Variants in TRPS1 observed in about 807,000 individuals in gnomAD.
TRPS1 encodes the protein transcriptional repressor GATA binding 1, also known as zinc finger transcription factor Trps1.
Under a neutral mutation model 101.2 loss-of-function variants are expected in TRPS1, and 6 were observed. That is an observed-to-expected ratio of 0.06 (90% CI 0.03 to 0.12). The LOEUF (loss-of-function observed/expected upper bound fraction) is 0.12. TRPS1 is among the 10% of genes least tolerant of loss of function. TRPS1 has a pLI of 1.00. For synonymous variants in TRPS1, 578 were observed against 589.8 expected (o/e 0.98, Z 0.29); for missense variants, 1,363 against 1,567.0 (o/e 0.87, Z 2.20).
rs2130532463 is a variant in TRPS1 at position 115,619,617 on chromosome 8, G to C, written c.481C>G (p.Leu161Val). ...ATCTTCTGATCTTCCTTTGTCTCCA[G>C]TGAGTCCCCTGAGGGGGTGCAGGCC... is the stretch of plus-strand genomic sequence containing the variant. Reference protein sequence around the residue: ...DMACTPSGDSLETKEDQKMSP... With the variant: ...DMACTPSGDSVETKEDQKMSP... Residue 161 changes from leucine (L) to valine (V), a missense_variant, in exon 3 of 7, where the codon CTG becomes GTG. By Grantham distance (32) the Leu-to-Val change is conservative. Transcript: ENST00000395715. The C allele has an allele frequency of 6.2e-7, 1 of 1,614,182 alleles. No individual in the cohort carries two copies. Among genetic ancestry groups the C allele is most frequent in the Non-Finnish European group, 8.5e-7 (1 of 1,180,040 alleles).
chr8:115,587,481 T>C lies in TRPS1; in HGVS notation c.2220A>G (p.Glu740=). The C allele has an allele frequency of 6.2e-7, 1 of 1,614,182 alleles. No homozygotes were observed. Among genetic ancestry groups the C allele is most frequent in the East Asian group, 2.2e-5 (1 of 44,886 alleles). ...QEQDITTANG[E]EDGHAISTIK... is the part of the protein sequence containing the mutation. ...TGGTGGATATGGCATGACCGTCCTC[T>C]TCGCCGTTGGCTGTAGTGATGTCCT... Residue 740 remains glutamate, a synonymous_variant, in exon 5 of 7, where the codon GAA becomes GAG. Transcript: ENST00000395715.
intron 5 of TRPS1, among the ~76,000 whole-genome samples, chr8:115,496,895 T>C (rs1273001595): frequency 6.6e-6 from 1 of 152,224 alleles, no homozygotes; most frequent in Admixed American, 6.5e-5. Flanking sequence ...CTATTTTTAC[T>C]CTTATACACA....
intron 5 of TRPS1, among the ~76,000 whole-genome samples, chr8:115,461,314 T>C (rs546222178): frequency 6.6e-5 from 10 of 151,620 alleles, no homozygotes; most frequent in African/African-American, 2.4e-4. Flanking sequence ...GATACATACA[T>C]ACATACATAC....
intron 1 of TRPS1, chr8:115,667,822 C>G (rs1179859961): frequency 2.6e-5 from 40 of 1,533,872 alleles, no homozygotes. Flanking sequence ...GGAGACCATA[C>G]GGAGGCCCGT....
intron 3 of TRPS1, among the ~76,000 whole-genome samples, chr8:115,611,796 C>T (rs553112836): frequency 3.9e-5 from 6 of 152,214 alleles, no homozygotes; most frequent in South Asian, 2.1e-4. Context: ...TGGTACATAA[C>T]GGTGCTTGCT....
chr8:115,472,552 C>A (rs1814498842), intron 5 of TRPS1, among the ~76,000 whole-genome samples: 1 of 152,188 alleles, frequency 6.6e-6, no homozygotes, highest in South Asian at 2.1e-4. Flanking sequence ...CTCCTTGTTA[C>A]TTATGCAAAT....
chr8:115,590,824 T>G (rs1209085291), intron 4 of TRPS1, among the ~76,000 whole-genome samples: 2 of 152,210 alleles, frequency 1.3e-5, no homozygotes, highest in Non-Finnish European at 2.9e-5. Context: ...AGTTAATCAG[T>G]ATAAATCCTA....
At chr8:115,571,106 T>A in intron 5 of TRPS1, among the ~76,000 whole-genome samples, 1 of 152,228 alleles carries the variant, frequency 6.6e-6, no homozygotes, top group East Asian at 1.9e-4. Flanking sequence ...AAGTGCAGAT[T>A]GATTATGATT....
rs1812845546 is a variant in TRPS1, at chr8:115,413,836, T to G, written c.*187A>C. On this transcript the variant is annotated 3_prime_UTR_variant, in exon 7 of 7. Transcript: ENST00000395715. ...ATCTTCCATTCTTTCTCATTGACCA[T>G]TTATCTCACTTTTTAATCTTGGTAA... is the stretch of plus-strand genomic sequence containing the variant. 1 of 622,200 alleles carries G rather than the reference T, an allele frequency of 1.6e-6. No individual in the cohort carries two copies. Among genetic ancestry groups the G allele is most frequent in the Non-Finnish European group, 2.7e-6 (1 of 364,872 alleles). The allele number at this position is 622,200 out of a possible 1,614,324, so 38.5% of individuals were successfully genotyped here.
intron 5 of TRPS1, among the ~76,000 whole-genome samples, chr8:115,506,404 AT>A (rs199930062): frequency 2.7e-4 from 41 of 150,930 alleles, no homozygotes; most frequent in East Asian, 1.2e-3. Flanking sequence ...CAAACTCATC[AT>A]TTTTTTTTCT....
At chr8:115,519,421 T>C (rs1003035946) in intron 5 of TRPS1, among the ~76,000 whole-genome samples, 5 of 151,662 alleles carry the variant, frequency 3.3e-5, no homozygotes, top group African/African-American at 1.2e-4. Context: ...CATGTCCCAG[T>C]TAAGGGGTTG....
At chr8:115,549,171 A>G (rs1435799767) in intron 5 of TRPS1, among the ~76,000 whole-genome samples, 1 of 152,220 alleles carries the variant, frequency 6.6e-6, no homozygotes, top group Non-Finnish European at 1.5e-5. Context: ...TTCCTACTGT[A>G]TATCAATAAA....
At chr8:115,493,200 G>A (rs924289080) in intron 5 of TRPS1, among the ~76,000 whole-genome samples, 1 of 152,046 alleles carries the variant, frequency 6.6e-6, no homozygotes, top group African/African-American at 2.4e-5. Flanking sequence ...GAACTTACAG[G>A]TTTTTAGCCT....
chr8:115,651,021 T>A (rs959977523), intron 1 of TRPS1, among the ~76,000 whole-genome samples: 1 of 152,104 alleles, frequency 6.6e-6, no homozygotes, highest in African/African-American at 2.4e-5. Context: ...CAACACAACC[T>A]TTGGGCCTGA....
chr8:115,423,032 C>T (rs893531953), intron 5 of TRPS1, among the ~76,000 whole-genome samples: 9 of 152,222 alleles, frequency 5.9e-5, no homozygotes, highest in Admixed American at 1.3e-4. Context: ...CATGTAAAGC[C>T]GCAAAGAGTA....
At chr8:115,665,430 G>T (rs879693080) in intron 1 of TRPS1, among the ~76,000 whole-genome samples, 15 of 152,094 alleles carry the variant, frequency 9.9e-5, no homozygotes, top group Non-Finnish European at 1.9e-4. Flanking sequence ...CGTAAAAGCT[G>T]CTTTTCTACA....
chr8:115,654,959 A>C (rs979168167), intron 1 of TRPS1, among the ~76,000 whole-genome samples: 2 of 152,210 alleles, frequency 1.3e-5, no homozygotes, highest in African/African-American at 4.8e-5. Flanking sequence ...AAAAATAAAG[A>C]CTAATGAATC....
rs781168988 is a variant in TRPS1 at position 115,587,565 on chromosome 8, A to G, written c.2136T>C (p.Phe712=). The G allele has an allele frequency of 5.0e-6, 8 of 1,614,178 alleles. No individual in the cohort carries two copies. Among genetic ancestry groups the G allele is most frequent in the East Asian group, 2.2e-5 (1 of 44,870 alleles). ...GTAGTGACTGAGTATCGGCAGCTGT[A>G]AAACTGCACTGACGGCATTTGTAGC... The part of the protein sequence containing the change: ...HSCYKCRQCS[F]TAADTQSLLE... Residue 712 remains phenylalanine (F), a synonymous_variant, in exon 5 of 7, where the codon TTT becomes TTC. Transcript: ENST00000395715.
chr8:115,423,372 A>G (rs1813114978), intron 5 of TRPS1, among the ~76,000 whole-genome samples: 1 of 152,194 alleles, frequency 6.6e-6, no homozygotes, highest in South Asian at 2.1e-4. Context: ...TTGCCTGGCA[A>G]ATGCTTTTCA....
Sources: allele counts gnomAD v4.1 joint callset (sites outside exome capture counted in the v4.1 genomes callset), GRCh38; gene constraint gnomAD v4.1.1; transcripts MANE v1.5; gene names NCBI Gene and HGNC (gene_info 2026-07-23, HGNC 2026-07-21).